The following PROSER1 variants were observed in gnomAD, a reference collection of about 807,000 sequenced individuals.
PROSER1 encodes proline and serine rich 1, also known as proline and serine-rich protein 1.
Under a neutral mutation model 71.8 loss-of-function variants are expected in PROSER1, and 36 were observed. That is an observed-to-expected ratio of 0.50 (90% CI 0.38 to 0.66). The LOEUF (loss-of-function observed/expected upper bound fraction) is 0.66, where lower values mean the gene tolerates loss of function less well. PROSER1 is among the 30% of genes least tolerant of loss of function. The pLI is 0.00. For missense variants in PROSER1, 1,107 were observed against 1,135.0 expected, an observed-to-expected ratio of 0.98 and a Z score of 0.35; for synonymous variants, 490 against 452.4, an observed-to-expected ratio of 1.08 and a Z score of -1.06.
At chr13:39,028,722 G>T (rs979410180) in intron 4 of PROSER1, among the ~76,000 whole-genome samples, 3 of 152,066 alleles carry the variant, frequency 2.0e-5, no homozygotes, top group Non-Finnish European at 4.4e-5. Context: ...ATACAAAAAG[G>T]ACTTAAAAAT....
intron 10 of PROSER1, among the ~76,000 whole-genome samples, chr13:39,015,637 C>A (rs1869974006): frequency 2.0e-5 from 3 of 151,952 alleles, no homozygotes; most frequent in Admixed American, 1.3e-4. Context: ...TTCATTTGCA[C>A]TATGTGAAGG....
chr13:39,026,955 C>G (rs1270495594), intron 5 of PROSER1, among the ~76,000 whole-genome samples: 3 of 152,114 alleles, frequency 2.0e-5, no homozygotes, highest in Non-Finnish European at 2.9e-5. Context: ...TTACTGCATC[C>G]TCAGCTTCTA....
intron 9 of PROSER1, chr13:39,018,141 T>C (rs1054180963): frequency 5.9e-5 from 9 of 152,734 alleles, no homozygotes; most frequent in African/African-American, 1.7e-4. Context: ...ATATTAGGAA[T>C]TACCATGGAG....
chr13:39,033,836 C>G (rs546633724), intron 2 of PROSER1, among the ~76,000 whole-genome samples: 10 of 152,024 alleles, frequency 6.6e-5, no homozygotes, highest in Non-Finnish European at 1.5e-4. Context: ...GGTAAATTTG[C>G]CATTACGAGT....
At position 39,021,007 on chromosome 13, in the gene PROSER1, C is replaced by A. The variant is rs1237969746; in HGVS notation, c.730+1319G>T. 2.6e-5 allele frequency among the ~76,000 whole-genome samples: 4 copies of A among 152,270 alleles called. No homozygotes were observed. The East Asian group carries it at 5.8e-4, about 22-fold the overall frequency. On this transcript the variant is annotated intron_variant, in intron 9 of 12. Coordinates refer to ENST00000352251, the MANE Select transcript of PROSER1 (RefSeq NM_025138.5). ...GTTTTACCACTCATGAGAAATAGTT[C>A]TTTTTCCCATAACTAGCCTGTGTTT...
chr13:39,017,566 T>C (rs747563159), intron 9 of PROSER1, 22 bp from the exon 10 acceptor site: 1 of 1,291,620 alleles, frequency 7.7e-7, no homozygotes, highest in Non-Finnish European at 1.1e-6. Context: ...TAAATAAAAG[T>C]TCATTTTAAA....
intron 10 of PROSER1, among the ~76,000 whole-genome samples, chr13:39,017,265 G>A: frequency 6.6e-6 from 1 of 152,182 alleles, no homozygotes; most frequent in Admixed American, 6.5e-5. Flanking sequence ...TGCAAGTTTT[G>A]CAAATTGTAT....
intron 1 of PROSER1, among the ~76,000 whole-genome samples, chr13:39,036,779 T>A (rs964520299): frequency 1.3e-5 from 2 of 152,228 alleles, no homozygotes; most frequent in Non-Finnish European, 2.9e-5. Context: ...ACCTTATGCT[T>A]AGATTTGAAA....
intron 9 of PROSER1, among the ~76,000 whole-genome samples, chr13:39,019,300 G>A (rs1270557193): frequency 3.4e-5 from 5 of 148,532 alleles, no homozygotes; most frequent in East Asian, 2.0e-4. Context: ...TCAGGAGTTC[G>A]AGACCAGCCT....
intron 9 of PROSER1, among the ~76,000 whole-genome samples, chr13:39,018,355 A>T (rs1870104927): frequency 6.6e-6 from 1 of 152,176 alleles, no homozygotes; most frequent in Admixed American, 6.5e-5. Flanking sequence ...ACGCCCTGGT[A>T]TAGTGAGCAA....
At position 39,037,696 on chromosome 13, in the gene PROSER1, G is replaced by T. The variant is rs929992324; in HGVS notation, c.-454C>A. The T allele has an allele frequency of 6.5e-6, 1 of 153,142 alleles. No homozygotes were observed. Among genetic ancestry groups the T allele is most frequent in the African/African-American group, 2.4e-5 (1 of 41,466 alleles). The allele number at this position is 153,142 out of a possible 1,614,324, so 9.5% of individuals were successfully genotyped here. A position where few individuals can be genotyped will look rare whatever the true frequency, so the allele number is the denominator to read the frequency against. On this transcript the variant is annotated 5_prime_UTR_variant, in exon 1 of 13. Coordinates refer to ENST00000352251, the MANE Select transcript of PROSER1 (RefSeq NM_025138.5). ...TCAGAGTCCACGGGCGGCGGGGAGG[G>T]AGGCGCCGGTCTCTCGACCCGCACC...
chr13:39,021,775 C>A (rs538793755), intron 9 of PROSER1, among the ~76,000 whole-genome samples: 1 of 152,274 alleles, frequency 6.6e-6, no homozygotes, highest in South Asian at 2.1e-4. Context: ...AAGCAGCTCA[C>A]GTTTAATTTA....
intron 9 of PROSER1, among the ~76,000 whole-genome samples, chr13:39,018,838 T>C (rs1234039255): frequency 6.6e-6 from 1 of 152,084 alleles, no homozygotes; most frequent in East Asian, 1.9e-4. Flanking sequence ...GACTTGAGTT[T>C]TCACATCAAA....
chr13:39,035,852 A>G (rs936388238), intron 1 of PROSER1, among the ~76,000 whole-genome samples: 1 of 152,352 alleles, frequency 6.6e-6, no homozygotes, highest in Middle Eastern at 3.4e-3. Context: ...ATAGACCATG[A>G]CAATGTTGAT....
At chr13:39,031,990 T>C (rs1040948573) in intron 2 of PROSER1, among the ~76,000 whole-genome samples, 21 of 151,846 alleles carry the variant, frequency 1.4e-4, no homozygotes, top group African/African-American at 5.1e-4. Flanking sequence ...AAATATACAA[T>C]ACAGAAAAAA....
At position 39,013,676 on chromosome 13, in the gene PROSER1, T is replaced by C. The variant is rs148669353; in HGVS notation, c.1576A>G (p.Thr526Ala). ...CCTGGAGTGGAAGTCCTCTGTGGGGTAGGGATGGCTGATGGGGCATAGCAC... is the reference window on the plus strand; with the variant it reads ...CCTGGAGTGGAAGTCCTCTGTGGGGCAGGGATGGCTGATGGGGCATAGCAC... ...NKCYAPSAIP[T>A]PQRTSTPGLA... is the part of the protein sequence containing the mutation. The change falls in exon 11 of 13, where the codon ACC (threonine) becomes GCC (alanine). Residue 526 changes from threonine (T) to alanine (A), a missense_variant. Transcript: ENST00000352251. 27,761 of 1,613,616 alleles carry C rather than the reference T, an allele frequency of 0.017. 306 individuals carry two copies. The highest frequency in any genetic ancestry group is 0.02 in the Non-Finnish European group (24,034 of 1,179,890).
intron 9 of PROSER1, 91 bp downstream of exon 9, chr13:39,022,231 CCTCT>C: frequency 1.2e-6 from 1 of 833,308 alleles, no homozygotes; most frequent in Non-Finnish European, 2.1e-6. Flanking sequence ...GCTTGTGTTC[CCTCT>C]GTTAGAATAC....
Position 39,013,338 on chromosome 13 carries a change from T to C in PROSER1, c.1914A>G (p.Thr638=), listed in dbSNP as rs752903684. ...PSHGTLGLSG[T]LGRAYTSTSV... is the part of the protein sequence containing the mutation. ...ATGTTGAAGTATATGCACGGCCCAA[T>C]GTCCCTGACAAACCTAAAGTGCCAT... The change falls in exon 11 of 13, where the codon ACA becomes ACG. Residue 638 remains threonine (T), a synonymous_variant. Coordinates refer to ENST00000352251, the MANE Select transcript of PROSER1 (RefSeq NM_025138.5). 10 of 1,614,174 alleles carry C rather than the reference T, an allele frequency of 6.2e-6. No homozygotes were observed. In the Admixed American group the frequency reaches 1.7e-4, roughly 27 times the overall value.
Position 39,023,083 on chromosome 13 carries a change from A to C in PROSER1, c.612T>G (p.Pro204=), listed in dbSNP as rs752722518. The C allele has an allele frequency of 2.5e-6, 4 of 1,613,116 alleles. No homozygotes were observed. The African/African-American group carries it at 5.3e-5, about 22-fold the overall frequency. The change falls in exon 8 of 13, where the codon CCT becomes CCG. Residue 204 remains proline, a synonymous_variant. Transcript: ENST00000352251. Reference sequence around the variant, plus strand: ...CAATAGTTGCATGTGGTCGGCATGGAGGTATCGGATAAGGAACAGGTTTAT... The same window carrying C: ...CAATAGTTGCATGTGGTCGGCATGGCGGTATCGGATAAGGAACAGGTTTAT... The part of the protein sequence containing the change: ...NPHKPVPYPI[P]PCRPHATIAP...
Sources: gnomAD v4.1 joint callset for allele counts (sites outside exome capture counted in the v4.1 genomes callset) on GRCh38, gnomAD v4.1.1 for gene constraint, MANE v1.5 for transcripts, NCBI Gene and HGNC (gene_info 2026-07-23, HGNC 2026-07-21) for gene names.